CLCN5: variants seen among roughly 807,000 people sequenced by gnomAD.
The protein encoded by CLCN5 is Cl-/H+ antiporter 5.
In CLCN5, 17 loss-of-function variants were observed where a neutral mutation model predicts 54.0. That is an observed-to-expected ratio of 0.31 (90% CI 0.22 to 0.47). CLCN5 has a LOEUF of 0.47. CLCN5 is among the 20% of genes least tolerant of loss of function. The pLI is 1.00. For missense variants in CLCN5, 448 were observed against 646.7 expected (o/e 0.69, Z 3.33); for synonymous variants, 222 against 233.0 (o/e 0.95, Z 0.43).
chrX:49,954,868 G>T (rs782098807), intron 3 of CLCN5, among the ~76,000 whole-genome samples: 3 of 111,956 alleles, frequency 2.7e-5, no homozygotes, highest in African/African-American at 9.7e-5. Flanking sequence ...GATAAGATGA[G>T]ATCAAAAAAC....
chrX:50,033,100 A>T (rs1337060992), intron 3 of CLCN5, among the ~76,000 whole-genome samples: 9 of 111,318 alleles, frequency 8.1e-5, no homozygotes, highest in African/African-American at 2.6e-4. Context: ...TGGTACCAGT[A>T]CCATGCTGTT....
At chrX:49,990,680 T>C (rs1206650316) in intron 3 of CLCN5, among the ~76,000 whole-genome samples, 1 of 112,011 alleles carries the variant, frequency 8.9e-6, no homozygotes, top group Non-Finnish European at 1.9e-5. Context: ...TTAAGTGTTC[T>C]GCCTGCCTCG....
intron 3 of CLCN5, among the ~76,000 whole-genome samples, chrX:49,953,837 A>G (rs1476054044): frequency 4.5e-5 from 5 of 112,102 alleles, no homozygotes; most frequent in African/African-American, 1.6e-4. Context: ...TACTATCCCC[A>G]GTAGTCAACT....
intron 5 of CLCN5, among the ~76,000 whole-genome samples, chrX:50,071,716 A>G (rs1319030872): frequency 1.8e-5 from 2 of 112,355 alleles, no homozygotes; most frequent in African/African-American, 6.5e-5. Flanking sequence ...ATTTAAAAAA[A>G]TGCTTTTGAA....
At chrX:49,960,177 C>G (rs1172263129) in intron 3 of CLCN5, among the ~76,000 whole-genome samples, 1 of 110,660 alleles carries the variant, frequency 9.0e-6, no homozygotes, top group Admixed American at 9.7e-5. Flanking sequence ...ATATTAATTC[C>G]CACAGTATCC....
chrX:49,974,192 A>G (rs941089319), intron 3 of CLCN5, among the ~76,000 whole-genome samples: 17 of 112,342 alleles, frequency 1.5e-4, no homozygotes, highest in African/African-American at 4.9e-4. Flanking sequence ...ATTATTTGAT[A>G]TGAACATTTG....
intron 4 of CLCN5, among the ~76,000 whole-genome samples, chrX:50,058,029 C>T (rs1186086812): frequency 1.8e-5 from 2 of 111,485 alleles, no homozygotes; most frequent in Non-Finnish European, 3.8e-5. Flanking sequence ...TAAATGACCA[C>T]AGGATGAATA....
In CLCN5 at chrX:50,049,076, AC is replaced by A. The variant is rs782450026; in HGVS notation, c.163+6616del. Among the ~76,000 whole-genome samples the A allele has an allele frequency of 3.6e-5, 4 of 111,251 alleles. No individual in the cohort carries two copies. The Admixed American group carries it at 3.8e-4, about 11-fold the overall frequency. On this transcript the variant is annotated intron_variant, in intron 4 of 14. Transcript: ENST00000376091. Reference sequence around the variant, plus strand: ...TAACCTCCTACTCCAACAGTGAGAAACCTGGTTCCTACCACTCACAATCTGT... The same window carrying A: ...TAACCTCCTACTCCAACAGTGAGAAACTGGTTCCTACCACTCACAATCTGT...
At chrX:49,958,487 T>C (rs1927442362) in intron 3 of CLCN5, among the ~76,000 whole-genome samples, 1 of 112,093 alleles carries the variant, frequency 8.9e-6, no homozygotes, top group Non-Finnish European at 1.9e-5. Context: ...ACCTGATCAT[T>C]GTTCATAACC....
chrX:49,935,420 C>T (rs782277097), intron 3 of CLCN5, among the ~76,000 whole-genome samples: 1 of 112,241 alleles, frequency 8.9e-6, no homozygotes, highest in Non-Finnish European at 1.9e-5. Context: ...GCCAGGCAGG[C>T]ACTGTGTTGG....
chrX:50,053,036 G>A (rs1023359015), intron 4 of CLCN5, among the ~76,000 whole-genome samples: 3 of 111,746 alleles, frequency 2.7e-5, no homozygotes. Context: ...TTTAATTCCA[G>A]TTTGGTAAGA....
chrX:50,056,880 A>G (rs1185568531), intron 4 of CLCN5, among the ~76,000 whole-genome samples: 1 of 111,790 alleles, frequency 8.9e-6, no homozygotes. Context: ...CTTCATTTCA[A>G]TATCATAGAT....
intron 4 of CLCN5, among the ~76,000 whole-genome samples, chrX:50,062,997 G>A (rs1381903660): frequency 9.1e-5 from 10 of 110,211 alleles, no homozygotes; most frequent in East Asian, 2.8e-4. Flanking sequence ...TCTCTGGGAC[G>A]CATTCAAAGC....
rs1024034661 is a variant in CLCN5 at position 50,097,307 on chromosome X, G to T, written c.*5088G>T. On this transcript the variant is annotated 3_prime_UTR_variant, in exon 15 of 15. Coordinates refer to ENST00000376091, the MANE Select transcript of CLCN5 (RefSeq NM_001127898.4). Reference sequence around the variant, plus strand: ...TGAATAGATGTAGGGAACAAAATTGGTTTTTCCATGGTGTAGTCTAATTTT... The same window carrying T: ...TGAATAGATGTAGGGAACAAAATTGTTTTTTCCATGGTGTAGTCTAATTTT... The T allele has an allele frequency of 8.0e-5, 9 of 112,248 alleles. No individual in the cohort carries two copies. The highest frequency in any genetic ancestry group is 1.5e-4 in the Non-Finnish European group (8 of 53,254). 9.3% of individuals were successfully genotyped at this position (112,248 alleles called of 1,213,427 possible).
intron 3 of CLCN5, among the ~76,000 whole-genome samples, chrX:49,964,842 G>A (rs1331885710): frequency 1.8e-5 from 2 of 110,860 alleles, no homozygotes; most frequent in East Asian, 2.8e-4. Flanking sequence ...ACACTGTTCA[G>A]TTCCACAAGC....
Position 50,027,998 on chromosome X carries a change from A to T in CLCN5, c.17-14318A>T, listed in dbSNP as rs185481521. ...TAAAAGGTACAGTTCTTTCAGTCATATTCCCCTGTTATTATACAGGATCTC... is the reference window on the plus strand; with the variant it reads ...TAAAAGGTACAGTTCTTTCAGTCATTTTCCCCTGTTATTATACAGGATCTC... On this transcript the variant is annotated intron_variant, in intron 3 of 14. Transcript: ENST00000376091. Among the ~76,000 whole-genome samples, 25 of 111,768 alleles carry T rather than the reference A, an allele frequency of 2.2e-4. No homozygotes were observed. In the East Asian group the frequency reaches 5.9e-3, roughly 26 times the overall value.
At chrX:50,084,206 T>C (rs1306054790) in intron 9 of CLCN5, among the ~76,000 whole-genome samples, 1 of 111,994 alleles carries the variant, frequency 8.9e-6, no homozygotes, top group Non-Finnish European at 1.9e-5. Flanking sequence ...GCGACTATAC[T>C]GAATACTGTG....
intron 3 of CLCN5, among the ~76,000 whole-genome samples, chrX:49,981,467 AT>A (rs368680431): frequency 1.0e-3 from 117 of 111,601 alleles, no homozygotes; most frequent in African/African-American, 3.6e-3. Flanking sequence ...ACAAAACTAC[AT>A]GTTGAAATTG....
At position 49,977,735 on chromosome X, in the gene CLCN5, C is replaced by T. The variant is rs1180801751; in HGVS notation, c.16+52421C>T. Among the ~76,000 whole-genome samples, 4 of 112,131 alleles carry T rather than the reference C, an allele frequency of 3.6e-5. No homozygotes were observed. The South Asian group carries it at 1.5e-3, about 42-fold the overall frequency. The stretch of plus-strand genomic sequence containing the variant: ...GAGAAAAAGAATAAAAGAGCACTCA[C>T]CCTCTCATCTCCTAGTGTCTTTTCT... On this transcript the variant is annotated intron_variant, in intron 3 of 14. Transcript: ENST00000376091.
Sources: allele counts gnomAD v4.1 joint callset (sites outside exome capture counted in the v4.1 genomes callset), GRCh38; gene constraint gnomAD v4.1.1; transcripts MANE v1.5; gene names NCBI Gene and HGNC (gene_info 2026-07-23, HGNC 2026-07-21).